The following TNIK variants were observed in gnomAD, a reference collection of about 807,000 sequenced individuals.
TNIK encodes the protein TRAF2 and NCK interacting kinase.
In TNIK, 49 loss-of-function variants were observed where a neutral mutation model predicts 191.3. The observed-to-expected ratio is 0.26, with a 90% confidence interval of 0.20 to 0.32. The LOEUF (loss-of-function observed/expected upper bound fraction) is 0.32, where lower values mean the gene tolerates loss of function less well. TNIK is among the 10% of genes least tolerant of loss of function. The pLI, the probability that TNIK is intolerant of heterozygous loss-of-function variation, is 1.00. For missense variants in TNIK, 1,155 were observed against 1,702.3 expected (o/e 0.68, Z 5.66); for synonymous variants, 594 against 600.9 (o/e 0.99, Z 0.17).
At chr3:171,219,397 A>G (rs1175335894) in intron 3 of TNIK, among the ~76,000 whole-genome samples, 3 of 149,874 alleles carry the variant, frequency 2.0e-5, no homozygotes, top group African/African-American at 7.3e-5. Flanking sequence ...ATACACATAT[A>G]TAACACATAA....
At position 171,104,725 on chromosome 3, in the gene TNIK, A is replaced by G. The variant is rs573203240; in HGVS notation, c.2406+2458T>C. Among the ~76,000 whole-genome samples, 19 of 152,044 alleles carry G rather than the reference A, an allele frequency of 1.2e-4. No individual in the cohort carries two copies. In the East Asian group the frequency reaches 2.7e-3, roughly 22 times the overall value. ...ATTTTTAGCTTTTTTTTCTCTTTGT[A>G]TTAAACTATTTTCTTTTTAGGAACT... On this transcript the variant is annotated intron_variant, in intron 21 of 32. Transcript: ENST00000436636.
At chr3:171,175,732 C>T (rs1735877204) in intron 8 of TNIK, among the ~76,000 whole-genome samples, 1 of 152,162 alleles carries the variant, frequency 6.6e-6, no homozygotes, top group African/African-American at 2.4e-5. Flanking sequence ...AAATAAAAGG[C>T]ATTTCATTAT....
chr3:171,445,714 G>C (rs868206592), intron 1 of TNIK, among the ~76,000 whole-genome samples: 12 of 152,156 alleles, frequency 7.9e-5, no homozygotes, highest in African/African-American at 2.9e-4. Context: ...GCAAGAAGTA[G>C]TTAATACAGT....
At chr3:171,301,116 A>G (rs1752826192) in intron 2 of TNIK, among the ~76,000 whole-genome samples, 1 of 152,124 alleles carries the variant, frequency 6.6e-6, no homozygotes, top group Non-Finnish European at 1.5e-5. Context: ...AGTTTAACCA[A>G]GGATTTCAAT....
At chr3:171,323,758 GAC>G (rs1426984353) in intron 2 of TNIK, among the ~76,000 whole-genome samples, 1 of 152,142 alleles carries the variant, frequency 6.6e-6, no homozygotes, top group Non-Finnish European at 1.5e-5. Context: ...AAGTGAGAAT[GAC>G]AGAAACTGAC....
chr3:171,416,978 T>C (rs1045473237), intron 1 of TNIK, among the ~76,000 whole-genome samples: 2 of 152,194 alleles, frequency 1.3e-5, no homozygotes, highest in African/African-American at 4.8e-5. Context: ...ACATAGCTCA[T>C]AAATGGGTTG....
At chr3:171,329,971 G>T (rs9812568) in intron 2 of TNIK, among the ~76,000 whole-genome samples, 14 of 152,194 alleles carry the variant, frequency 9.2e-5, no homozygotes, top group African/African-American at 3.4e-4. Context: ...AATGTCAAAG[G>T]TTGTCACAGA....
At chr3:171,425,021 G>T (rs1447035760) in intron 1 of TNIK, among the ~76,000 whole-genome samples, 1 of 151,320 alleles carries the variant, frequency 6.6e-6, no homozygotes, top group Non-Finnish European at 1.5e-5. Flanking sequence ...TAAATAGAGG[G>T]AATGACTACA....
At chr3:171,412,470 T>C (rs180882588) in intron 1 of TNIK, among the ~76,000 whole-genome samples, 2 of 152,228 alleles carry the variant, frequency 1.3e-5, no homozygotes, top group African/African-American at 4.8e-5. Context: ...AACAACTTGG[T>C]GATAGAAAGC....
At chr3:171,244,060 GT>G (rs34724564) in intron 2 of TNIK, among the ~76,000 whole-genome samples, 6,256 of 135,888 alleles carry the variant, frequency 0.046, 440 homozygotes, top group African/African-American at 0.16. Flanking sequence ...GACAGAAATA[GT>G]TTTTTTTTTT....
intron 17 of TNIK, among the ~76,000 whole-genome samples, chr3:171,124,149 C>A (rs1011611070): frequency 6.6e-6 from 1 of 152,134 alleles, no homozygotes; most frequent in African/African-American, 2.4e-5. Context: ...ATAAGGAAAT[C>A]ATGAAATCTG....
chr3:171,281,645 C>T (rs1331139332), intron 2 of TNIK, among the ~76,000 whole-genome samples: 4 of 151,614 alleles, frequency 2.6e-5, no homozygotes, highest in African/African-American at 9.8e-5. Flanking sequence ...GATATCCCAA[C>T]AGTTAACACT....
At chr3:171,104,371 C>T (rs1418504387) in intron 21 of TNIK, among the ~76,000 whole-genome samples, 3 of 151,978 alleles carry the variant, frequency 2.0e-5, no homozygotes, top group African/African-American at 4.8e-5. Context: ...AATGAGCCTT[C>T]TTGGTAATTT....
intron 23 of TNIK, 123 bp from the exon 24 acceptor site, chr3:171,087,629 G>T: frequency 9.7e-7 from 1 of 1,028,294 alleles, no homozygotes; most frequent in Non-Finnish European, 1.4e-6. Flanking sequence ...ATGAGAAGGT[G>T]ATATTCACAT....
chr3:171,068,799 GC>G, intron 30 of TNIK, 48 bp downstream of exon 30: 1 of 1,536,202 alleles, frequency 6.5e-7, no homozygotes. Context: ...CTTTCTACAT[GC>G]AGGCTGTTGT....
At chr3:171,176,195 T>C (rs964104100) in intron 8 of TNIK, among the ~76,000 whole-genome samples, 20 of 152,222 alleles carry the variant, frequency 1.3e-4, no homozygotes, top group Non-Finnish European at 2.8e-4. Flanking sequence ...TAATATGGTT[T>C]AAGACTGCAA....
chr3:171,110,029 C>T (rs573127184), intron 19 of TNIK, among the ~76,000 whole-genome samples: 1 of 151,956 alleles, frequency 6.6e-6, no homozygotes, highest in African/African-American at 2.4e-5. Context: ...CTCAGCCTCC[C>T]GAGTAGCTGG....
chr3:171,347,479 ACTT>A (rs755173362), intron 2 of TNIK, among the ~76,000 whole-genome samples: 6 of 151,936 alleles, frequency 3.9e-5, no homozygotes, highest in African/African-American at 7.3e-5. Flanking sequence ...AGCCCAAATG[ACTT>A]CTTCTATTTC....
chr3:171,183,627 TA>T (rs1736959291), intron 7 of TNIK, among the ~76,000 whole-genome samples: 1 of 151,436 alleles, frequency 6.6e-6, no homozygotes, highest in Non-Finnish European at 1.5e-5. Context: ...CTTTTAGGGG[TA>T]AAAAATGGCC....
Sources: allele counts gnomAD v4.1 joint callset (sites outside exome capture counted in the v4.1 genomes callset), GRCh38; gene constraint gnomAD v4.1.1; transcripts MANE v1.5; gene names NCBI Gene and HGNC (gene_info 2026-07-23, HGNC 2026-07-21).